CREBBP: variants seen among roughly 807,000 people sequenced by gnomAD.
The protein encoded by CREBBP is CREB binding lysine acetyltransferase, also known as CREB-binding protein.
CREBBP carries 19 observed loss-of-function variants against 265.0 expected under a neutral mutation model. That is an observed-to-expected ratio of 0.07 (90% confidence interval 0.05 to 0.11). The LOEUF is 0.11. Ranked by LOEUF, CREBBP falls within the 10% of genes least tolerant of loss-of-function variation. The probability of loss-of-function intolerance (pLI) is 1.00; values close to 1 mark genes in which losing one functional copy is unlikely to be tolerated. For missense variants in CREBBP, 2,525 were observed against 3,219.0 expected, an observed-to-expected ratio of 0.78 and a Z score of 5.22; for synonymous variants, 1,457 against 1,223.7, an observed-to-expected ratio of 1.19 and a Z score of -3.98.
At chr16:3,774,027 A>T in intron 12 of CREBBP, 97 bp from the exon 13 acceptor site, 1 of 1,353,596 alleles carries the variant, frequency 7.4e-7, no homozygotes, top group Non-Finnish European at 1.0e-6. Context: ...ACAACCCCAG[A>T]GGATGGCAAG....
chr16:3,877,634 C>A (rs1420711506), intron 1 of CREBBP, among the ~76,000 whole-genome samples: 1 of 152,214 alleles, frequency 6.6e-6, no homozygotes, highest in East Asian at 1.9e-4. Flanking sequence ...GAACTCCTGA[C>A]CTGAAGTTGA....
chr16:3,821,491 G>A (rs1179377283), intron 2 of CREBBP, among the ~76,000 whole-genome samples: 1 of 152,184 alleles, frequency 6.6e-6, no homozygotes, highest in Non-Finnish European at 1.5e-5. Flanking sequence ...ACTTCCCAGA[G>A]TATTTTACAC....
At position 3,745,401 on chromosome 16, in the gene CREBBP, A is replaced by G. The variant is rs764334021; in HGVS notation, c.3837-47T>C. 7 of 1,563,638 alleles carry G rather than the reference A, an allele frequency of 4.5e-6. No individual in the cohort carries two copies. The South Asian group carries it at 5.6e-5, about 13-fold the overall frequency. ...CTGTTAAAGCACACGGAACCACAAG[A>G]CCAGAGTCACTTGTAGAAGTCTGTG... On this transcript the variant is annotated intron_variant, in intron 21 of 30. Transcript: ENST00000262367.
intron 2 of CREBBP, among the ~76,000 whole-genome samples, chr16:3,816,070 T>C (rs1567335485): frequency 6.6e-6 from 1 of 152,200 alleles, no homozygotes. Flanking sequence ...TTTCTTTTAC[T>C]CTGTTCTTCC....
At chr16:3,851,732 T>G (rs1446280397) in intron 1 of CREBBP, among the ~76,000 whole-genome samples, 1 of 151,410 alleles carries the variant, frequency 6.6e-6, no homozygotes, top group African/African-American at 2.4e-5. Flanking sequence ...CGGGCGCCTG[T>G]AGTCCCAGCT....
chr16:3,773,050 C>T (rs1430855324), intron 13 of CREBBP, among the ~76,000 whole-genome samples: 1 of 151,730 alleles, frequency 6.6e-6, no homozygotes, highest in Non-Finnish European at 1.5e-5. Context: ...TGTACCACTG[C>T]ACTCCAGTCT....
At position 3,737,932 on chromosome 16, in the gene CREBBP, C is replaced by T. The variant is rs548034066; in HGVS notation, c.4394+627G>A. Among the ~76,000 whole-genome samples, 5 of 151,796 alleles carry T rather than the reference C, an allele frequency of 3.3e-5. No individual in the cohort carries two copies. The South Asian group carries it at 1.0e-3, about 32-fold the overall frequency. On this transcript the variant is annotated intron_variant, in intron 26 of 30. Coordinates refer to ENST00000262367, the MANE Select transcript of CREBBP (RefSeq NM_004380.3). ...CCTCTTGAGTAGCTGGGATTACAGG[C>T]TCATGCTACTATGCCCGGCTAACTT...
chr16:3,754,552 C>A (rs1395768248), intron 19 of CREBBP, among the ~76,000 whole-genome samples: 1 of 152,036 alleles, frequency 6.6e-6, no homozygotes, highest in African/African-American at 2.4e-5. Context: ...TACCATGGAA[C>A]TGCATAGTTT....
chr16:3,856,303 T>C (rs950789974), intron 1 of CREBBP, among the ~76,000 whole-genome samples: 2 of 152,180 alleles, frequency 1.3e-5, no homozygotes, highest in African/African-American at 2.4e-5. Flanking sequence ...TTTTATTTTA[T>C]TTTTAATTAA....
In CREBBP at chr16:3,837,080, C is replaced by T. The variant is rs951955692; in HGVS notation, c.798+13217G>A. ...ATCCTTCTACTTTTTCTTAAGTTAA[C>T]TGTAAAACAGCCTCAAGGCAGGTCC... On this transcript the variant is annotated intron_variant, in intron 2 of 30. Transcript: ENST00000262367. Among the ~76,000 whole-genome samples the T allele has an allele frequency of 3.3e-5, 5 of 152,192 alleles. No individual in the cohort carries two copies. The South Asian group carries it at 1.0e-3, about 31-fold the overall frequency.
chr16:3,793,101 C>T (rs900785503), intron 4 of CREBBP, among the ~76,000 whole-genome samples: 4 of 152,198 alleles, frequency 2.6e-5, no homozygotes, highest in South Asian at 2.1e-4. Flanking sequence ...CAATGTCTTC[C>T]GTGACAGAGG....
At chr16:3,735,702 C>T (rs368477479) in intron 28 of CREBBP, among the ~76,000 whole-genome samples, 23 of 152,170 alleles carry the variant, frequency 1.5e-4, no homozygotes, top group Non-Finnish European at 2.8e-4. Flanking sequence ...GGCCACCAAA[C>T]ACGGAATAAG....
intron 16 of CREBBP, among the ~76,000 whole-genome samples, chr16:3,763,168 A>ATT (rs111950815): frequency 4.2e-5 from 6 of 141,414 alleles, no homozygotes; most frequent in Non-Finnish European, 3.1e-5. Context: ...ACTGAAACCA[A>ATT]TTTTTTTTTT....
At chr16:3,758,430 AC>A (rs1276741866) in intron 17 of CREBBP, among the ~76,000 whole-genome samples, 8 of 152,384 alleles carry the variant, frequency 5.2e-5, no homozygotes, top group African/African-American at 1.9e-4. Context: ...AAATGAAATT[AC>A]AAGACAAATA....
At chr16:3,816,298 C>T (rs1017616412) in intron 2 of CREBBP, among the ~76,000 whole-genome samples, 1 of 152,208 alleles carries the variant, frequency 6.6e-6, no homozygotes, top group Non-Finnish European at 1.5e-5. Flanking sequence ...TATCACTTCA[C>T]TCAGAGAGTA....
At chr16:3,819,696 G>C (rs936299336) in intron 2 of CREBBP, among the ~76,000 whole-genome samples, 2 of 152,160 alleles carry the variant, frequency 1.3e-5, no homozygotes, top group African/African-American at 4.8e-5. Context: ...AGCGTTTCCA[G>C]TTTTCATTCT....
intron 16 of CREBBP, among the ~76,000 whole-genome samples, chr16:3,762,648 A>C (rs1179973471): frequency 6.6e-6 from 1 of 152,050 alleles, no homozygotes; most frequent in East Asian, 1.9e-4. Flanking sequence ...ATCTCCCAAA[A>C]ACGCGGCTCT....
intron 27 of CREBBP, 104 bp downstream of exon 27, chr16:3,736,546 A>G (rs866344231): frequency 1.1e-5 from 16 of 1,491,858 alleles, no homozygotes; most frequent in Middle Eastern, 2.0e-4. Context: ...TCTAATCCTC[A>G]TAAGTGAAGG....
chr16:3,740,152 A>G (rs1435109475), intron 24 of CREBBP, among the ~76,000 whole-genome samples: 2 of 152,232 alleles, frequency 1.3e-5, no homozygotes, highest in African/African-American at 2.4e-5. Context: ...TAATAATAAA[A>G]TAAGAAAATT....
Sources: gnomAD v4.1 joint callset for allele counts (sites outside exome capture counted in the v4.1 genomes callset) on GRCh38, gnomAD v4.1.1 for gene constraint, MANE v1.5 for transcripts, NCBI Gene and HGNC (gene_info 2026-07-23, HGNC 2026-07-21) for gene names.